DNAJB6: variants seen among roughly 807,000 people sequenced by gnomAD.
The protein encoded by DNAJB6 is dnaJ homolog subfamily B member 6.
Under a neutral mutation model 42.7 loss-of-function variants are expected in DNAJB6, and 16 were observed. The observed-to-expected ratio is 0.37, with a 90% CI of 0.25 to 0.57. The LOEUF is 0.57. Ranked by LOEUF, DNAJB6 falls within the 20% of genes least tolerant of loss-of-function variation. The probability of loss-of-function intolerance (pLI) is 0.74; values close to 1 mark genes in which losing one functional copy is unlikely to be tolerated. For missense variants in DNAJB6, 347 were observed against 416.8 expected (o/e 0.83, Z 1.46); for synonymous variants, 170 against 163.5 (o/e 1.04, Z -0.30).
At chr7:157,371,812 A>G (rs571366899) in intron 5 of DNAJB6, among the ~76,000 whole-genome samples, 2 of 152,360 alleles carry the variant, frequency 1.3e-5, no homozygotes, top group South Asian at 4.1e-4. Context: ...GTACCTGATA[A>G]TAGTGCCTTT....
chr7:157,392,156 T>G (rs927866827), intron 8 of DNAJB6, among the ~76,000 whole-genome samples: 2 of 151,282 alleles, frequency 1.3e-5, no homozygotes, highest in South Asian at 2.1e-4. Flanking sequence ...AGTCTTCTCC[T>G]ATCAACAACG....
At chr7:157,356,416 G>A (rs1799277247) in intron 1 of DNAJB6, among the ~76,000 whole-genome samples, 1 of 152,142 alleles carries the variant, frequency 6.6e-6, no homozygotes, top group Non-Finnish European at 1.5e-5. Flanking sequence ...AGAAGATTGC[G>A]GTGTTCCTAC....
intron 4 of DNAJB6, 149 bp from the exon 5 acceptor site, chr7:157,367,224 C>T (rs1799888766): frequency 1.1e-5 from 7 of 614,612 alleles, no homozygotes; most frequent in Non-Finnish European, 2.0e-5. Flanking sequence ...CAGTACAGGG[C>T]TCATGTTTTG....
At chr7:157,347,047 G>A (rs980164532) in intron 1 of DNAJB6, among the ~76,000 whole-genome samples, 1 of 151,918 alleles carries the variant, frequency 6.6e-6, no homozygotes, top group Non-Finnish European at 1.5e-5. Flanking sequence ...AGTAGAGACG[G>A]GGTTTCACCG....
chr7:157,401,883 C>T (rs911057634), intron 8 of DNAJB6, among the ~76,000 whole-genome samples: 2 of 152,210 alleles, frequency 1.3e-5, no homozygotes, highest in African/African-American at 2.4e-5. Context: ...AGCGGGCTGG[C>T]GCCTGCCTTC....
chr7:157,403,361 C>T lies in DNAJB6; in HGVS notation c.692-6434C>T, dbSNP rs140733337. Among the ~76,000 whole-genome samples, 607 of 152,290 alleles carry T rather than the reference C, an allele frequency of 4.0e-3. 4 individuals carry two copies. The highest frequency in any genetic ancestry group is 6.6e-3 in the Non-Finnish European group (452 of 68,028). ...GTCTGCACCTGTGAAGATAAGCTGT[C>T]CACTGACATTGCCAGGGTGAAAACC... On this transcript the variant is annotated intron_variant, in intron 8 of 9. Coordinates refer to ENST00000262177, the MANE Select transcript of DNAJB6 (RefSeq NM_058246.4).
Position 157,385,017 on chromosome 7 carries a change from G to C in DNAJB6, c.620+9G>C, listed in dbSNP as rs886044673. On this transcript the variant is annotated intron_variant, in intron 7 of 9. Coordinates refer to ENST00000262177, the MANE Select transcript of DNAJB6 (RefSeq NM_058246.4). ...AAAATCACTACAAAGAGGTACTGTG[G>C]TATTCTGCATTTTATATTTTTAGTA... The C allele has an allele frequency of 6.2e-7, 1 of 1,611,738 alleles. No individual in the cohort carries two copies. Among genetic ancestry groups the C allele is most frequent in the Non-Finnish European group, 8.5e-7 (1 of 1,178,552 alleles).
rs1327149688 is a variant in DNAJB6 at position 157,417,330 on chromosome 7, T to G, written c.*1232T>G. On this transcript the variant is annotated 3_prime_UTR_variant, in exon 10 of 10. Transcript: ENST00000262177. ...AGAGTTGGCTTTGTTTATTTGGTTT[T>G]GGCGGGGAGAGGAGTGGTATTTGAT... The G allele has an allele frequency of 6.6e-6, 1 of 152,228 alleles. No homozygotes were observed. Among genetic ancestry groups the G allele is most frequent in the African/African-American group, 2.4e-5 (1 of 41,456 alleles). The allele number at this position is 152,228 out of a possible 1,614,324, so 9.4% of individuals were successfully genotyped here.
At chr7:157,384,229 C>G (rs1481445375) in intron 6 of DNAJB6, among the ~76,000 whole-genome samples, 1 of 152,192 alleles carries the variant, frequency 6.6e-6, no homozygotes, top group Non-Finnish European at 1.5e-5. Context: ...GAATGGTGTT[C>G]ATGAACTGTA....
chr7:157,407,039 A>C (rs544673255), intron 8 of DNAJB6, among the ~76,000 whole-genome samples: 1 of 152,306 alleles, frequency 6.6e-6, no homozygotes, highest in Non-Finnish European at 1.5e-5. Context: ...AGGTCCTCGG[A>C]CACCCGCCCA....
At chr7:157,398,027 C>CT (rs758057803) in intron 8 of DNAJB6, among the ~76,000 whole-genome samples, 1 of 152,252 alleles carries the variant, frequency 6.6e-6, no homozygotes, top group Non-Finnish European at 1.5e-5. Context: ...CAAACAAAAA[C>CT]TTGTTCAGCC....
At chr7:157,408,356 C>CT (rs2116635394) in intron 8 of DNAJB6, among the ~76,000 whole-genome samples, 1 of 152,334 alleles carries the variant, frequency 6.6e-6, no homozygotes, top group Non-Finnish European at 1.5e-5. Context: ...CATCTGAGGC[C>CT]TGCGCCTCCT....
At position 157,354,023 on chromosome 7, in the gene DNAJB6, A is replaced by G. The variant is rs191807430; in HGVS notation, c.-26-4524A>G. Among the ~76,000 whole-genome samples the G allele has an allele frequency of 6.0e-3, 911 of 152,296 alleles. 5 individuals are homozygous for G. Among genetic ancestry groups the G allele is most frequent in the Non-Finnish European group, 0.01 (697 of 68,028 alleles). Reference sequence around the variant, plus strand: ...CTTGCTTGATCTAGCATTAGCCAGTATAGTAAATTTTTATTTCAATTTAAT... The same window carrying G: ...CTTGCTTGATCTAGCATTAGCCAGTGTAGTAAATTTTTATTTCAATTTAAT... On this transcript the variant is annotated intron_variant, in intron 1 of 9. Coordinates refer to ENST00000262177, the MANE Select transcript of DNAJB6 (RefSeq NM_058246.4).
intron 8 of DNAJB6, among the ~76,000 whole-genome samples, chr7:157,402,328 C>G (rs1354419076): frequency 6.6e-6 from 1 of 152,226 alleles, no homozygotes; most frequent in Non-Finnish European, 1.5e-5. Context: ...GAGCTGCACC[C>G]CTTCCACAGG....
chr7:157,353,231 T>A (rs1194457361), intron 1 of DNAJB6, among the ~76,000 whole-genome samples: 3 of 150,460 alleles, frequency 2.0e-5, no homozygotes. Flanking sequence ...CCCGGTCCAG[T>A]TTGGTTTCTG....
intron 7 of DNAJB6, 53 bp from the exon 8 acceptor site, chr7:157,385,488 A>G: frequency 6.3e-7 from 1 of 1,576,856 alleles, no homozygotes; most frequent in Non-Finnish European, 8.7e-7. Flanking sequence ...AGTTACCCTC[A>G]CACATGCATT....
chr7:157,351,973 C>T (rs1003960747), intron 1 of DNAJB6, among the ~76,000 whole-genome samples: 15 of 151,950 alleles, frequency 9.9e-5, no homozygotes, highest in East Asian at 3.9e-4. Context: ...CCAGCCTGGG[C>T]GTCAGAGAGC....
chr7:157,393,094 C>T (rs987024405), intron 8 of DNAJB6, among the ~76,000 whole-genome samples: 1 of 152,108 alleles, frequency 6.6e-6, no homozygotes, highest in African/African-American at 2.4e-5. Context: ...CTGCCTCAGC[C>T]TCCCGAGTAG....
At chr7:157,340,998 G>GTGTGTGTGTGTGTGCGCGCGCGCT (rs67210462) in intron 1 of DNAJB6, among the ~76,000 whole-genome samples, 4 of 134,960 alleles carry the variant, frequency 3.0e-5, no homozygotes, top group African/African-American at 1.3e-4. Context: ...GTGTGTGTGT[G>GTGTGTGTGTGTGTGCGCGCGCGCT]CGCGCGCGCA....
Sources: allele counts gnomAD v4.1 joint callset (sites outside exome capture counted in the v4.1 genomes callset), GRCh38; gene constraint gnomAD v4.1.1; transcripts MANE v1.5; gene names NCBI Gene and HGNC (gene_info 2026-07-23, HGNC 2026-07-21).